Variants in MS4A5 observed in about 807,000 individuals in gnomAD.
MS4A5 encodes the protein membrane spanning 4-domains A5.
MS4A5 carries 15 observed loss-of-function variants against 18.2 expected under a neutral mutation model. That is an observed-to-expected ratio of 0.83 (90% CI 0.55 to 1.27). The LOEUF is 1.27. Among genes scored for constraint, MS4A5 ranks in the 50% most tolerant of loss-of-function variants. The pLI is 0.00. For missense variants in MS4A5, 232 were observed against 225.7 expected (o/e 1.03, Z -0.18); for synonymous variants, 89 against 78.7 (o/e 1.13, Z -0.69).
chr11:60,431,101 G>T lies in MS4A5; in HGVS notation c.282+177G>T, dbSNP rs566901185. Among the ~76,000 whole-genome samples, 455 of 152,294 alleles carry T rather than the reference G, an allele frequency of 3.0e-3. 5 individuals are homozygous for T. Among genetic ancestry groups the T allele is most frequent in the African/African-American group, 0.01 (430 of 41,564 alleles). On this transcript the variant is annotated intron_variant, in intron 2 of 4. Coordinates refer to ENST00000300190, the MANE Select transcript of MS4A5 (RefSeq NM_023945.3). Reference sequence around the variant, plus strand: ...CACAGTCACTGATATTCCATCATTAGGTCTTGAAGTTCCTTTGGGAATACT... The same window carrying T: ...CACAGTCACTGATATTCCATCATTATGTCTTGAAGTTCCTTTGGGAATACT...
At chr11:60,434,750 A>G (rs1331276456) in intron 4 of MS4A5, among the ~76,000 whole-genome samples, 1 of 152,186 alleles carries the variant, frequency 6.6e-6, no homozygotes, top group African/African-American at 2.4e-5. Flanking sequence ...TTACAAGTGG[A>G]ACTCTGAAGA....
intron 1 of MS4A5, among the ~76,000 whole-genome samples, chr11:60,430,515 G>A (rs988865806): frequency 1.3e-5 from 2 of 152,152 alleles, no homozygotes; most frequent in Non-Finnish European, 2.9e-5. Context: ...ATGGGATAGG[G>A]CCTGATAGTT....
intron 4 of MS4A5, among the ~76,000 whole-genome samples, chr11:60,436,562 C>G: frequency 7.5e-6 from 1 of 133,778 alleles, no homozygotes. Context: ...ATAACCAATA[C>G]AGAGAAGTGC....
intron 4 of MS4A5, among the ~76,000 whole-genome samples, chr11:60,444,446 A>C (rs1464704931): frequency 6.6e-6 from 1 of 152,156 alleles, no homozygotes; most frequent in Non-Finnish European, 1.5e-5. Context: ...AAGGGACTAA[A>C]TATAGGGGAA....
rs1334427698 is a variant in MS4A5 at position 60,436,625 on chromosome 11, G to A, written c.492+2708G>A. 3.7e-5 allele frequency among the ~76,000 whole-genome samples: 5 copies of A among 134,486 alleles called. 1 individual carries two copies. Among genetic ancestry groups the A allele is most frequent in the Admixed American group, 8.1e-5 (1 of 12,284 alleles). The allele number at this position is 134,486 out of a possible 152,430, so 88.2% of individuals were successfully genotyped here. On this transcript the variant is annotated intron_variant, in intron 4 of 4. Coordinates refer to ENST00000300190, the MANE Select transcript of MS4A5 (RefSeq NM_023945.3). ...AAGGCTCGAGAACTACGTGAAGAACGCAGAAGCCTCAGGAGTCGATGCGAT... is the reference window on the plus strand; with the variant it reads ...AAGGCTCGAGAACTACGTGAAGAACACAGAAGCCTCAGGAGTCGATGCGAT...
intron 4 of MS4A5, among the ~76,000 whole-genome samples, chr11:60,437,397 G>C (rs2135174981): frequency 6.7e-6 from 1 of 149,466 alleles, no homozygotes; most frequent in Non-Finnish European, 1.5e-5. Context: ...ACATCATAAT[G>C]ACAGGATCAA....
intron 4 of MS4A5, among the ~76,000 whole-genome samples, chr11:60,434,145 T>C (rs1362543181): frequency 6.6e-6 from 1 of 151,576 alleles, no homozygotes; most frequent in Non-Finnish European, 1.5e-5. Flanking sequence ...GCACAAGAGA[T>C]AAAACATACA....
chr11:60,438,559 C>G (rs1233320761), intron 4 of MS4A5, among the ~76,000 whole-genome samples: 1 of 151,902 alleles, frequency 6.6e-6, no homozygotes, highest in Non-Finnish European at 1.5e-5. Flanking sequence ...AGAGAAGAAT[C>G]AAATAGACGC....
At chr11:60,437,417 T>A (rs1264819673) in intron 4 of MS4A5, among the ~76,000 whole-genome samples, 4 of 150,234 alleles carry the variant, frequency 2.7e-5, no homozygotes, top group African/African-American at 9.8e-5. Context: ...AATTCACACA[T>A]AACAATATTA....
chr11:60,436,008 A>G (rs1229175350), intron 4 of MS4A5, among the ~76,000 whole-genome samples: 5 of 152,164 alleles, frequency 3.3e-5, no homozygotes, highest in South Asian at 2.1e-4. Context: ...GACAGCAGTA[A>G]CCTCTGCAGA....
At chr11:60,447,626 T>C (rs748940897) in intron 4 of MS4A5, 23 bp from the exon 5 acceptor site, 6 of 1,362,748 alleles carry the variant, frequency 4.4e-6, no homozygotes, top group Non-Finnish European at 6.1e-6. Context: ...TCTTCATTTT[T>C]TTTTCTTCTT....
At chr11:60,440,411 A>C (rs1435146646) in intron 4 of MS4A5, among the ~76,000 whole-genome samples, 1 of 127,082 alleles carries the variant, frequency 7.9e-6, no homozygotes, top group African/African-American at 2.8e-5. Flanking sequence ...GCAACAAAAG[A>C]CAAAATTGAC....
intron 4 of MS4A5, among the ~76,000 whole-genome samples, chr11:60,447,233 T>C (rs551178950): frequency 2.0e-5 from 3 of 151,874 alleles, no homozygotes; most frequent in African/African-American, 4.8e-5. Context: ...TCCTATGCTA[T>C]GCTATGCTAT....
intron 4 of MS4A5, among the ~76,000 whole-genome samples, chr11:60,445,863 A>G (rs2086135793): frequency 3.3e-5 from 5 of 152,258 alleles, no homozygotes; most frequent in Admixed American, 1.3e-4. Flanking sequence ...GTTATAATTT[A>G]TGGCTGGTAT....
chr11:60,432,478 T>G lies in MS4A5; in HGVS notation c.339+11T>G. On this transcript the variant is annotated intron_variant, in intron 3 of 4. Transcript: ENST00000300190. ...ACCACAGAAACTCTGGTGAGTTATA[T>G]TCTTACTTTATTAAAAATATATTTT... 1 of 1,537,366 alleles carries G rather than the reference T, an allele frequency of 6.5e-7. No individual in the cohort carries two copies. Among genetic ancestry groups the G allele is most frequent in the South Asian group, 1.2e-5 (1 of 86,724 alleles).
At chr11:60,432,133 T>C (rs994908651) in intron 2 of MS4A5, among the ~76,000 whole-genome samples, 17 of 152,254 alleles carry the variant, frequency 1.1e-4, no homozygotes, top group African/African-American at 3.4e-4. Context: ...ACAATAGCTA[T>C]AAAAAGAACA....
At chr11:60,435,588 C>T in intron 4 of MS4A5, 1 of 292,820 alleles carries the variant, frequency 3.4e-6, no homozygotes, top group Admixed American at 4.7e-5. Context: ...CCTGCGCGAG[C>T]CGAAGCAGGG....
chr11:60,429,658 T>G lies in MS4A5; in HGVS notation c.-17T>G. The G allele has an allele frequency of 6.2e-7, 1 of 1,600,922 alleles. No homozygotes were observed. The highest frequency in any genetic ancestry group is 8.5e-7 in the Non-Finnish European group (1 of 1,175,716). ...ACCAACTAAATCATCTCCTTTCAAATTATCACCGACACCATCATGGATTCA... is the reference window on the plus strand; with the variant it reads ...ACCAACTAAATCATCTCCTTTCAAAGTATCACCGACACCATCATGGATTCA... On this transcript the variant is annotated 5_prime_UTR_variant, in exon 1 of 5. Coordinates refer to ENST00000300190, the MANE Select transcript of MS4A5 (RefSeq NM_023945.3).
Position 60,432,503 on chromosome 11 carries a change from T to C in MS4A5, c.339+36T>C, listed in dbSNP as rs1159086213. On this transcript the variant is annotated intron_variant, in intron 3 of 4. Transcript: ENST00000300190. ...TTCTTACTTTATTAAAAATATATTT[T>C]GTAGCCAGTCATGGTGGCTCATACC... The C allele has an allele frequency of 2.2e-6, 3 of 1,382,714 alleles. No homozygotes were observed. The Admixed American group carries it at 5.7e-5, about 26-fold the overall frequency. The allele number at this position is 1,382,714 out of a possible 1,614,324, so 85.7% of individuals were successfully genotyped here.
Sources: allele counts gnomAD v4.1 joint callset (sites outside exome capture counted in the v4.1 genomes callset), GRCh38; gene constraint gnomAD v4.1.1; transcripts MANE v1.5; gene names NCBI Gene and HGNC (gene_info 2026-07-23, HGNC 2026-07-21).